Variants in TECTA observed in about 807,000 individuals in gnomAD.
TECTA encodes the protein alpha-tectorin.
TECTA carries 128 observed loss-of-function variants against 216.8 expected under a neutral mutation model. The ratio of observed to expected loss-of-function variants is 0.59; its 90% CI spans 0.51 to 0.68. The LOEUF (loss-of-function observed/expected upper bound fraction) is 0.68, where lower values mean the gene tolerates loss of function less well. Ranked by LOEUF, TECTA falls within the 30% of genes least tolerant of loss-of-function variation. TECTA has a pLI of 0.00. For missense variants in TECTA, 2,551 were observed against 2,786.2 expected (o/e 0.92, Z 1.90); for synonymous variants, 1,089 against 1,117.1 (o/e 0.97, Z 0.50).
chr11:121,106,732 C>T (rs535917300), intron 3 of TECTA, among the ~76,000 whole-genome samples: 11 of 152,312 alleles, frequency 7.2e-5, no homozygotes, highest in African/African-American at 2.4e-4. Flanking sequence ...GCCATCTCTA[C>T]GTCTGGGACC....
At chr11:121,163,363 T>A (rs1284892049) in intron 16 of TECTA, among the ~76,000 whole-genome samples, 1 of 149,104 alleles carries the variant, frequency 6.7e-6, no homozygotes, top group African/African-American at 2.5e-5. Context: ...TTAATAAGAA[T>A]ACTCATGTTC....
At chr11:121,170,454 TTTTGC>T (rs1947100440) in intron 20 of TECTA, among the ~76,000 whole-genome samples, 1 of 152,038 alleles carries the variant, frequency 6.6e-6, no homozygotes, top group Non-Finnish European at 1.5e-5. Flanking sequence ...TTTTGTTTTG[TTTTGC>T]TTTGTTTTGT....
At chr11:121,132,899 G>A (rs1365990090) in intron 10 of TECTA, among the ~76,000 whole-genome samples, 2 of 151,744 alleles carry the variant, frequency 1.3e-5, no homozygotes, top group Non-Finnish European at 2.9e-5. Flanking sequence ...TTTTTTTTGT[G>A]TGTGTGTGTT....
chr11:121,102,695 G>C lies in TECTA; in HGVS notation c.30G>C (p.Trp10Cys). 1.2e-6 allele frequency: 2 copies of C among 1,613,666 alleles called. No homozygotes were observed. Among genetic ancestry groups the C allele is most frequent in the Non-Finnish European group, 1.7e-6 (2 of 1,179,780 alleles). The change falls in exon 2 of 24, where the codon TGG becomes TGC. Residue 10 changes from tryptophan (W) to cysteine (C), a missense_variant. Trp to Cys is a radical substitution (Grantham distance 215). Coordinates refer to ENST00000392793, the MANE Select transcript of TECTA (RefSeq NM_005422.4). ...ATTATTCATCATTCCTTAGAATTTG[G>C]GTCTCTTTCATCTTCGCACTTGTAC... is the stretch of plus-strand genomic sequence containing the variant. MNYSSFLRI[W>C]VSFIFALVQH...
At chr11:121,143,675 G>A (rs1383024645) in intron 11 of TECTA, among the ~76,000 whole-genome samples, 1 of 152,230 alleles carries the variant, frequency 6.6e-6, no homozygotes, top group East Asian at 1.9e-4. Context: ...CTGGATGAAT[G>A]TATGAATTCT....
At chr11:121,121,826 C>T (rs1021137720) in intron 7 of TECTA, among the ~76,000 whole-genome samples, 4 of 152,150 alleles carry the variant, frequency 2.6e-5, no homozygotes, top group East Asian at 1.9e-4. Context: ...CAGCAGTTGA[C>T]GTATTTGACA....
rs1210057581 is a variant in TECTA, at chr11:121,128,308, G to A, written c.2331G>A (p.Glu777=). 2 of 1,599,616 alleles carry A rather than the reference G, an allele frequency of 1.3e-6. No homozygotes were observed. Among genetic ancestry groups the A allele is most frequent in the Non-Finnish European group, 8.5e-7 (1 of 1,179,970 alleles). Reference sequence around the variant, plus strand: ...TTCGGATCCTGGTGGCCGACCAGGAGGTCAAGATAGGAGGCATCGGGGCTT... The same window carrying A: ...TTCGGATCCTGGTGGCCGACCAGGAAGTCAAGATAGGAGGCATCGGGGCTT... ...RGLRILVADQ[E]VKIGGIGASE... Residue 777 remains glutamate, a synonymous_variant, in exon 9 of 24, where the codon GAG becomes GAA. Coordinates refer to ENST00000392793, the MANE Select transcript of TECTA (RefSeq NM_005422.4).
At chr11:121,174,319 C>G (rs900250965) in intron 20 of TECTA, among the ~76,000 whole-genome samples, 3 of 150,846 alleles carry the variant, frequency 2.0e-5, no homozygotes, top group African/African-American at 7.4e-5. Context: ...ATGATATTGG[C>G]TGTGGGTTAG....
Position 121,168,083 on chromosome 11 carries a change from C to T in TECTA, c.5616C>T (p.Asn1872=), listed in dbSNP as rs377361830. The T allele has an allele frequency of 6.2e-7, 1 of 1,614,204 alleles. No individual in the cohort carries two copies. Among genetic ancestry groups the T allele is most frequent in the Non-Finnish European group, 8.5e-7 (1 of 1,180,036 alleles). The change falls in exon 19 of 24, where the codon AAC becomes AAT. Residue 1872 remains asparagine (N), a synonymous_variant. Coordinates refer to ENST00000392793, the MANE Select transcript of TECTA (RefSeq NM_005422.4). ...QSNGTHIMYK[N]TLWIESANNT... ...ATGGCACGCATATCATGTATAAAAA[C>T]ACACTCTGGATCGAAAGCGCCAACA...
intron 19 of TECTA, 77 bp from the exon 20 acceptor site, chr11:121,168,600 C>T: frequency 6.2e-7 from 1 of 1,611,558 alleles, no homozygotes; most frequent in African/African-American, 1.3e-5. Flanking sequence ...CCTCTGCATT[C>T]TCAGCCTGAA....
intron 12 of TECTA, among the ~76,000 whole-genome samples, chr11:121,151,381 A>T (rs2135113012): frequency 6.6e-6 from 1 of 152,376 alleles, no homozygotes; most frequent in East Asian, 1.9e-4. Context: ...GCATAAACAC[A>T]TAAAGTACAC....
chr11:121,157,955 A>G lies in TECTA; in HGVS notation c.4420A>G (p.Asn1474Asp). 6.2e-7 allele frequency: 1 copy of G among 1,613,884 alleles called. No individual in the cohort carries two copies. Among genetic ancestry groups the G allele is most frequent in the Non-Finnish European group, 8.5e-7 (1 of 1,179,998 alleles). Residue 1474 changes from asparagine (N) to aspartate (D), a missense_variant, in exon 14 of 24, where the codon AAC (asparagine) becomes GAC (aspartate). By Grantham distance (23) the Asn-to-Asp change is conservative. Coordinates refer to ENST00000392793, the MANE Select transcript of TECTA (RefSeq NM_005422.4). ...GTCAGACGAGGAGTGTGCGCTGCGC[A>G]ACGGGGTGCGCGGCTGCTTCAGCAC... ...CKSDEECALR[N>D]GVRGCFSTKT...
chr11:121,141,054 A>G (rs571582277), intron 11 of TECTA: 1 of 152,200 alleles, frequency 6.6e-6, no homozygotes, highest in Non-Finnish European at 1.5e-5. Flanking sequence ...CTTCTTTCTA[A>G]GCAAGTTGGA....
At chr11:121,134,930 C>G (rs1215687238) in intron 10 of TECTA, among the ~76,000 whole-genome samples, 1 of 152,204 alleles carries the variant, frequency 6.6e-6, no homozygotes, top group Non-Finnish European at 1.5e-5. Flanking sequence ...TCTGGGCCAG[C>G]AGACCTGGAG....
rs774830844 is a variant in TECTA at position 121,109,288 on chromosome 11, G to A, written c.276G>A (p.Gly92=). Residue 92 remains glycine, a synonymous_variant, in exon 4 of 24, where the codon GGG becomes GGA. Coordinates refer to ENST00000392793, the MANE Select transcript of TECTA (RefSeq NM_005422.4). ...FTPESFPLTD[G]RAFVAPFWAD... ...CAGAATCCTTTCCCCTGACAGATGG[G>A]AGAGCCTTCGTCGCCCCATTTTGGG... The A allele has an allele frequency of 1.9e-6, 3 of 1,614,180 alleles. No individual in the cohort carries two copies. The highest frequency in any genetic ancestry group is 2.2e-5 in the East Asian group (1 of 44,888).
At chr11:121,144,507 C>T (rs1415625937) in intron 11 of TECTA, among the ~76,000 whole-genome samples, 1 of 152,176 alleles carries the variant, frequency 6.6e-6, no homozygotes, top group African/African-American at 2.4e-5. Context: ...AAAACACCTA[C>T]TTCTCCCACA....
At chr11:121,135,734 G>C (rs993911790) in intron 10 of TECTA, among the ~76,000 whole-genome samples, 3 of 152,212 alleles carry the variant, frequency 2.0e-5, no homozygotes, top group Non-Finnish European at 4.4e-5. Context: ...AGGAGTGATG[G>C]TATGTATACG....
rs1194366061 is a variant in TECTA at position 121,145,742 on chromosome 11, A to G, written c.3731A>G (p.Tyr1244Cys). ...AGCACCTATGGTCTGTGTGGCCGCT[A>G]CAACGGCAACCCTGATGATGACCTG... ...QNSTYGLCGR[Y>C]NGNPDDDLEM... The change falls in exon 12 of 24, where the codon TAC (tyrosine) becomes TGC (cysteine). Residue 1244 changes from tyrosine to cysteine, a missense_variant. Coordinates refer to ENST00000392793, the MANE Select transcript of TECTA (RefSeq NM_005422.4). 2.5e-6 allele frequency: 4 copies of G among 1,614,140 alleles called. No individual in the cohort carries two copies. The highest frequency in any genetic ancestry group is 3.4e-6 in the Non-Finnish European group (4 of 1,180,060).
chr11:121,164,076 G>A (rs989185936), intron 16 of TECTA, among the ~76,000 whole-genome samples: 10 of 152,210 alleles, frequency 6.6e-5, no homozygotes, highest in African/African-American at 2.4e-4. Context: ...TACCAGAGGG[G>A]CGTGGCAGCT....
Sources: allele counts gnomAD v4.1 joint callset (sites outside exome capture counted in the v4.1 genomes callset), GRCh38; gene constraint gnomAD v4.1.1; transcripts MANE v1.5; gene names NCBI Gene and HGNC (gene_info 2026-07-23, HGNC 2026-07-21).